Variants in MYO1C observed in about 807,000 individuals in gnomAD.
MYO1C encodes the protein unconventional myosin-Ic.
In MYO1C, 104 loss-of-function variants were observed where a neutral mutation model predicts 150.8. That is an observed-to-expected ratio of 0.69 (90% CI 0.59 to 0.81). The LOEUF is 0.81. Ranked by LOEUF, MYO1C falls within the 30% of genes least tolerant of loss-of-function variation. The pLI, the probability that MYO1C is intolerant of heterozygous loss-of-function variation, is 0.00. For synonymous variants in MYO1C, 663 were observed against 579.9 expected (o/e 1.14, Z -2.06); for missense variants, 1,504 against 1,435.0 (o/e 1.05, Z -0.78).
Position 1,483,075 on chromosome 17 carries a change from G to A in MYO1C, c.348-16C>T, listed in dbSNP as rs752230090. The A allele has an allele frequency of 3.1e-5, 49 of 1,582,116 alleles. No homozygotes were observed. The highest frequency in any genetic ancestry group is 9.4e-5 in the African/African-American group (7 of 74,392). ...CACGGCAAACCTGGGGCGGAGGCTC[G>A]TCAGGGAGTTTGGGGAGGGGGGCCA... On this transcript the variant is annotated splice_polypyrimidine_tract_variant and intron_variant, in intron 3 of 31. Coordinates refer to ENST00000648651, the MANE Select transcript of MYO1C (RefSeq NM_001080779.2).
chr17:1,485,535 CCCTCCCCGCCTCGGCCT>C (rs1197350097), intron 1 of MYO1C, among the ~76,000 whole-genome samples: 3 of 152,170 alleles, frequency 2.0e-5, no homozygotes, highest in Non-Finnish European at 4.4e-5. Context: ...TCCCGCGCCG[CCCTCCCCGCCTCGGCCT>C]CCTCCCCCTG....
At chr17:1,468,680 C>T (rs2074233751) in intron 25 of MYO1C, 184 bp from the exon 26 acceptor site, 6 of 622,906 alleles carry the variant, frequency 9.6e-6, no homozygotes, top group South Asian at 1.9e-5. Context: ...TGACCCTCTG[C>T]CGCCACCAAG....
In MYO1C at chr17:1,479,627, C is replaced by G; in HGVS notation, c.985G>C (p.Val329Leu). 3 of 1,613,622 alleles carry G rather than the reference C, an allele frequency of 1.9e-6. No individual in the cohort carries two copies. Among genetic ancestry groups the G allele is most frequent in the Non-Finnish European group, 1.7e-6 (2 of 1,179,862 alleles). Residue 329 changes from valine to leucine, a missense_variant, in exon 8 of 32, where the codon GTC becomes CTC. Transcript: ENST00000648651. This position sits in a 1 kb window ranked among gnomAD's most constrained non-coding sequence, Gnocchi z 4.2. ...FAANEESNAQ[V>L]TTENQLKYLT... ...TACTTGAGCTGGTTCTCGGTGGTGA[C>G]CTGGGCATTGCTCTCCTCGTTGGCA...
At chr17:1,485,278 G>A (rs1296178818) in intron 1 of MYO1C, 1 of 1,152,948 alleles carries the variant, frequency 8.7e-7, no homozygotes, top group Non-Finnish European at 1.1e-6. Context: ...CAGGGTCAGA[G>A]AAGAACAAGG....
In MYO1C at chr17:1,467,317, G is replaced by C. The variant is rs1302626100; in HGVS notation, c.3090C>G (p.Gly1030=). ...QGSITFAGGP[G]RDGTIDFTPG... ...GTGTGAAGTCAATGGTGCCATCCCT[G>C]CCGGGGCCCCCTGCAAACGTGATGC... The change falls in exon 31 of 32, where the codon GGC becomes GGG. Residue 1030 remains glycine (G), a synonymous_variant. Coordinates refer to ENST00000648651, the MANE Select transcript of MYO1C (RefSeq NM_001080779.2). The C allele has an allele frequency of 1.2e-6, 2 of 1,613,406 alleles. No individual in the cohort carries two copies.
Position 1,475,037 on chromosome 17 carries a change from G to C in MYO1C, c.1575-5C>G. The C allele has an allele frequency of 6.4e-7, 1 of 1,551,226 alleles. No homozygotes were observed. Among genetic ancestry groups the C allele is most frequent in the Non-Finnish European group, 8.7e-7 (1 of 1,147,078 alleles). ...CGCTGGTCAGCCAGCTTGTGCCTGG[G>C]GGTGACAGGGAGGAAGCTGCAGATG... On this transcript the variant is annotated splice_region_variant and splice_polypyrimidine_tract_variant and intron_variant, in intron 14 of 31. Transcript: ENST00000648651.
At chr17:1,484,607 G>T (rs1239666586) in intron 1 of MYO1C, 1 of 545,868 alleles carries the variant, frequency 1.8e-6, no homozygotes, top group Non-Finnish European at 3.3e-6. Context: ...ATGGACGCAG[G>T]CAGGACCAGA....
intron 17 of MYO1C, 176 bp from the exon 18 acceptor site, chr17:1,472,404 C>T (rs2074323356): frequency 3.2e-6 from 2 of 618,334 alleles, no homozygotes; most frequent in Admixed American, 2.8e-5. Flanking sequence ...GACTCCACCC[C>T]TTACCCCTCT....
Position 1,484,232 on chromosome 17 carries a change from C to T in MYO1C, c.147G>A (p.Gln49=), listed in dbSNP as rs752980103. 22 of 1,612,832 alleles carry T rather than the reference C, an allele frequency of 1.4e-5. No homozygotes were observed. The highest frequency in any genetic ancestry group is 1.8e-5 in the Non-Finnish European group (21 of 1,180,038). The change falls in exon 2 of 32, where the codon CAG becomes CAA. Residue 49 remains glutamine, a synonymous_variant. Transcript: ENST00000648651. ...TGAAGTTCTCCAGCAGCACGAAATC[C>T]TGCACCCCCACCCGGTCACGGGCGG... The part of the protein sequence containing the change: ...ALTARDRVGV[Q]DFVLLENFTS...
Position 1,470,693 on chromosome 17 carries a change from C to A in MYO1C, c.2213-4G>T. 2 of 1,602,256 alleles carry A rather than the reference C, an allele frequency of 1.2e-6. No individual in the cohort carries two copies. Among genetic ancestry groups the A allele is most frequent in the South Asian group, 1.1e-5 (1 of 90,504 alleles). ...CAGGCAGCTTGGATCTTTGTGGCTG[C>A]GGTTGGGAAAGAAAGGCAATTGGCC... On this transcript the variant is annotated splice_polypyrimidine_tract_variant and splice_region_variant and intron_variant, in intron 21 of 31. Coordinates refer to ENST00000648651, the MANE Select transcript of MYO1C (RefSeq NM_001080779.2).
Position 1,468,941 on chromosome 17 carries a change from C to T in MYO1C, c.2611-445G>A, listed in dbSNP as rs1054320739. On this transcript the variant is annotated intron_variant, in intron 25 of 31. Transcript: ENST00000648651. ...TATCACCAATCGACCCGAGTGAAGA[C>T]GCAGACTTTTCAACACAGGGTTCTG... is the stretch of plus-strand genomic sequence containing the variant. The T allele has an allele frequency of 3.4e-5, 10 of 297,238 alleles. 1 individual carries two copies. The highest frequency in any genetic ancestry group is 1.1e-4 in the African/African-American group (5 of 46,046). 18.4% of individuals were successfully genotyped at this position (297,238 alleles called of 1,614,324 possible).
chr17:1,468,543 A>C, intron 25 of MYO1C, 47 bp from the exon 26 acceptor site: 4 of 1,492,090 alleles, frequency 2.7e-6, no homozygotes, highest in Non-Finnish European at 3.7e-6. Flanking sequence ...GGGGAGCACC[A>C]TCTTGGGGGG....
chr17:1,482,039 C>G (rs1044802663), intron 5 of MYO1C, among the ~76,000 whole-genome samples: 2 of 152,088 alleles, frequency 1.3e-5, no homozygotes, highest in Admixed American at 1.3e-4. Context: ...CTATCTCCAT[C>G]AAGCCATTAT....
chr17:1,484,274 G>A lies in MYO1C; in HGVS notation c.105C>T (p.Thr35=). The change falls in exon 2 of 32, where the codon ACC becomes ACT. Residue 35 remains threonine, a synonymous_variant. Transcript: ENST00000648651. Reference sequence around the variant, plus strand: ...CACGGGCGGTGAGCGCACTCTCCATGGTCACCCGAACCCCGTCACTGCCCA... The same window carrying A: ...CACGGGCGGTGAGCGCACTCTCCATAGTCACCCGAACCCCGTCACTGCCCA... ...LALGSDGVRV[T]MESALTARDR... 1.2e-6 allele frequency: 2 copies of A among 1,611,582 alleles called. No individual in the cohort carries two copies. Among genetic ancestry groups the A allele is most frequent in the Admixed American group, 1.7e-5 (1 of 60,018 alleles).
rs551910487 is a variant in MYO1C at position 1,489,099 on chromosome 17, C to A, written c.75+3314G>T. ...TGCTATAAACCGATGTCCACTGAGC[C>A]CAAGGCAGCAGAAAGGCAGCCACAG... On this transcript the variant is annotated intron_variant, in intron 1 of 31. Coordinates refer to ENST00000648651, the MANE Select transcript of MYO1C (RefSeq NM_001080779.2). 2.6e-5 allele frequency among the ~76,000 whole-genome samples: 4 copies of A among 152,206 alleles called. No homozygotes were observed. The South Asian group carries it at 6.2e-4, about 24-fold the overall frequency.
At chr17:1,485,198 A>G in intron 1 of MYO1C, 1 of 1,184,782 alleles carries the variant, frequency 8.4e-7, no homozygotes, top group South Asian at 1.6e-5. Context: ...CTCGCCCCAC[A>G]ACCAGGGCTG....
At chr17:1,489,400 G>C (rs2074704786) in intron 1 of MYO1C, among the ~76,000 whole-genome samples, 2 of 152,248 alleles carry the variant, frequency 1.3e-5, no homozygotes, top group African/African-American at 4.8e-5. Context: ...GCAAGGTGCA[G>C]TGAGTGGCTC....
At chr17:1,469,360 T>C (rs397821329) in intron 25 of MYO1C, 171 bp downstream of exon 25, 59 of 591,626 alleles carry the variant, frequency 1.0e-4, no homozygotes, top group Non-Finnish European at 1.3e-4. Context: ...TACGGTAGAC[T>C]GGGGTAAATA....
In MYO1C at chr17:1,479,550, G is replaced by GCCCCCC; in HGVS notation, c.1020+41_1020+42insGGGGGG. ...CGGTGAGGGTGCACCCCCAGCCCCC[G>GCCCCCC]CCCCCGCCGTCCTCCCGTCGCCCTC... On this transcript the variant is annotated intron_variant, in intron 8 of 31. Transcript: ENST00000648651. This position sits in a 1 kb window ranked among gnomAD's most constrained non-coding sequence, Gnocchi z 4.2. 1 of 625,844 alleles carries GCCCCCC rather than the reference G, an allele frequency of 1.6e-6. No individual in the cohort carries two copies. Among genetic ancestry groups the GCCCCCC allele is most frequent in the Non-Finnish European group, 2.7e-6 (1 of 375,682 alleles). The allele number at this position is 625,844 out of a possible 1,614,324, so 38.8% of individuals were successfully genotyped here.
Sources: allele counts gnomAD v4.1 joint callset (sites outside exome capture counted in the v4.1 genomes callset), GRCh38; gene constraint gnomAD v4.1.1; non-coding constraint Gnocchi (gnomAD v3.1); transcripts MANE v1.5; gene names NCBI Gene and HGNC (gene_info 2026-07-23, HGNC 2026-07-21).